Variants in NUP153 observed in about 807,000 individuals in gnomAD.
NUP153 encodes the protein nuclear pore complex protein Nup153.
Under a neutral mutation model 134.6 loss-of-function variants are expected in NUP153, and 27 were observed. The ratio of observed to expected loss-of-function variants is 0.20; its 90% CI spans 0.15 to 0.28. The LOEUF is 0.28. NUP153 is among the 10% of genes least tolerant of loss of function. NUP153 has a pLI of 1.00. For synonymous variants in NUP153, 640 were observed against 623.5 expected (o/e 1.03, Z -0.40); for missense variants, 1,821 against 1,731.3 (o/e 1.05, Z -0.92).
chr6:17,631,207 A>G lies in NUP153; in HGVS notation c.2659+1443T>C, dbSNP rs1765235347. On this transcript the variant is annotated intron_variant, in intron 17 of 21. Transcript: ENST00000262077. ...AGGGAACCTTACACCTACCAGAGGC[A>G]AGTATTATTTTGCAAAACAGATTTC... 2.0e-5 allele frequency among the ~76,000 whole-genome samples: 3 copies of G among 151,944 alleles called. No homozygotes were observed. In the South Asian group the frequency reaches 6.2e-4, roughly 32 times the overall value.
intron 1 of NUP153, among the ~76,000 whole-genome samples, chr6:17,698,136 T>C (rs1025032631): frequency 1.3e-5 from 2 of 152,230 alleles, no homozygotes; most frequent in African/African-American, 2.4e-5. Context: ...TGGAATCTTA[T>C]TCTCCCAGGG....
chr6:17,647,721 C>T, intron 13 of NUP153, 86 bp downstream of exon 13: 4 of 872,546 alleles, frequency 4.6e-6, no homozygotes, highest in South Asian at 3.1e-5. Flanking sequence ...CAGTGTTTCT[C>T]ACCACCAGTG....
At chr6:17,665,450 T>G (rs1767475300) in intron 8 of NUP153, 65 bp from the exon 9 acceptor site, 1 of 1,336,948 alleles carries the variant, frequency 7.5e-7, no homozygotes, top group Non-Finnish European at 1.0e-6. Context: ...TATCTAAATT[T>G]TGACAATAGC....
chr6:17,627,620 C>T (rs774737065), intron 18 of NUP153, among the ~76,000 whole-genome samples: 22 of 152,202 alleles, frequency 1.4e-4, no homozygotes, highest in South Asian at 2.1e-4. Flanking sequence ...TTCAGCCTCC[C>T]GACTAGTTGG....
At chr6:17,663,133 C>T (rs1472102051) in intron 9 of NUP153, among the ~76,000 whole-genome samples, 1 of 151,668 alleles carries the variant, frequency 6.6e-6, no homozygotes, top group Non-Finnish European at 1.5e-5. Flanking sequence ...TTAATAAGAA[C>T]ACAGAGAAAA....
intron 2 of NUP153, among the ~76,000 whole-genome samples, chr6:17,687,176 AAGTT>A (rs1170468777): frequency 6.6e-6 from 1 of 152,202 alleles, no homozygotes; most frequent in Non-Finnish European, 1.5e-5. Context: ...TAAATTCTTG[AAGTT>A]AGTTAATCCT....
rs754727992 is a variant in NUP153 at position 17,629,553 on chromosome 6, A to G, written c.2660-14T>C. 5 of 1,567,294 alleles carry G rather than the reference A, an allele frequency of 3.2e-6. No homozygotes were observed. The highest frequency in any genetic ancestry group is 4.3e-6 in the Non-Finnish European group (5 of 1,164,736). On this transcript the variant is annotated splice_polypyrimidine_tract_variant and intron_variant, in intron 17 of 21. Coordinates refer to ENST00000262077, the MANE Select transcript of NUP153 (RefSeq NM_005124.4). ...ATGTGTCAAAGCCTACAAAAATATA[A>G]AAGACACCACATAGACACTCAATGT...
At chr6:17,623,398 CAT>C (rs1232224848) in intron 20 of NUP153, among the ~76,000 whole-genome samples, 2 of 142,186 alleles carry the variant, frequency 1.4e-5, no homozygotes, top group African/African-American at 5.2e-5. Context: ...AATTTACACA[CAT>C]GAGAAATCAA....
chr6:17,689,124 G>A (rs1769124305), intron 1 of NUP153, among the ~76,000 whole-genome samples: 1 of 151,930 alleles, frequency 6.6e-6, no homozygotes, highest in East Asian at 1.9e-4. Context: ...GGTGGTTCAT[G>A]CCTGTAATCC....
rs559309102 is a variant in NUP153 at position 17,664,303 on chromosome 6, CTTTA to C, written c.1215+932_1215+935del. On this transcript the variant is annotated intron_variant, in intron 9 of 21. Transcript: ENST00000262077. ...ACAGTTGAACAACTCACAGACACCA[CTTTA>C]TTTATAAAGTGTTTTCCAAACATGC... Among the ~76,000 whole-genome samples, 38 of 152,178 alleles carry C rather than the reference CTTTA, an allele frequency of 2.5e-4. 1 individual carries two copies. The South Asian group carries it at 7.9e-3, about 32-fold the overall frequency.
chr6:17,696,815 G>A (rs1769677579), intron 1 of NUP153, among the ~76,000 whole-genome samples: 1 of 152,042 alleles, frequency 6.6e-6, no homozygotes, highest in Non-Finnish European at 1.5e-5. Context: ...GCTTACGTCT[G>A]TAATCCCAGC....
chr6:17,627,654 C>T (rs80084912), intron 18 of NUP153, among the ~76,000 whole-genome samples: 9,253 of 152,112 alleles, frequency 0.061, 386 homozygotes, highest in Non-Finnish European at 0.084. Flanking sequence ...AGCTACGGCA[C>T]CCGGATTGTC....
At position 17,688,440 on chromosome 6, in the gene NUP153, G is replaced by C; in HGVS notation, c.290C>G (p.Thr97Ser). 6.2e-7 allele frequency: 1 copy of C among 1,614,040 alleles called. No homozygotes were observed. Among genetic ancestry groups the C allele is most frequent in the Non-Finnish European group, 8.5e-7 (1 of 1,179,976 alleles). ...VYADEESSNITDGRITPEPAV... is the reference protein window; with the variant it reads ...VYADEESSNISDGRITPEPAV... ...TGGCTCAGGTGTGATTCTCCCATCA[G>C]TAATATTAGAGCTCTCCTCATCGGC... The change falls in exon 2 of 22, where the codon ACT becomes AGT. Residue 97 changes from threonine to serine, a missense_variant. By Grantham distance (58) the Thr-to-Ser change is moderately conservative (BLOSUM62 1). Coordinates refer to ENST00000262077, the MANE Select transcript of NUP153 (RefSeq NM_005124.4).
chr6:17,686,543 G>A (rs1223284697), intron 2 of NUP153, among the ~76,000 whole-genome samples: 4 of 151,748 alleles, frequency 2.6e-5, no homozygotes, highest in African/African-American at 9.7e-5. Flanking sequence ...CTACAGGCAT[G>A]TGCCACCATG....
rs1185605322 is a variant in NUP153, at chr6:17,680,593, G to A, written c.335-4823C>T. Among the ~76,000 whole-genome samples, 13 of 152,122 alleles carry A rather than the reference G, an allele frequency of 8.5e-5. No individual in the cohort carries two copies. The highest frequency in any genetic ancestry group is 1.5e-4 in the Non-Finnish European group (10 of 67,990). On this transcript the variant is annotated intron_variant, in intron 2 of 21. Transcript: ENST00000262077. The surrounding 1 kb of genome is among the most constrained non-coding windows in gnomAD (Gnocchi z 4.5). ...CCATGGAAGCAAAAACAGACAAACA[G>A]GACTACATGAAATGTAAAAACTTTT...
intron 14 of NUP153, 90 bp from the exon 15 acceptor site, chr6:17,640,154 G>A: frequency 2.0e-6 from 2 of 983,364 alleles, no homozygotes; most frequent in Non-Finnish European, 1.4e-6. Context: ...ACCATCTTTT[G>A]GATTAATTTC....
At chr6:17,696,581 C>T (rs1042165989) in intron 1 of NUP153, among the ~76,000 whole-genome samples, 4 of 152,020 alleles carry the variant, frequency 2.6e-5, no homozygotes, top group Non-Finnish European at 5.9e-5. Context: ...CGGTGAAACC[C>T]CGTCTCTATT....
chr6:17,665,052 C>CAAA (rs10527400), intron 9 of NUP153, among the ~76,000 whole-genome samples, 187 bp downstream of exon 9: 1,430 of 69,694 alleles, frequency 0.021, 81 homozygotes, highest in South Asian at 0.048. Flanking sequence ...GACTCCGTCT[C>CAAA]AAAAAAAAAA....
In NUP153 at chr6:17,629,532, G is replaced by C. The variant is rs144128421; in HGVS notation, c.2667C>G (p.Asp889Glu). Residue 889 changes from aspartate (D) to glutamate (E), a missense_variant, in exon 18 of 22, where the codon GAC becomes GAG. Physicochemically the swap from Asp to Glu is conservative, Grantham distance 45. Coordinates refer to ENST00000262077, the MANE Select transcript of NUP153 (RefSeq NM_005124.4). ...CTGAGTTCGAAGATGAGGAAGATGTGTCAAAGCCTACAAAAATATAAAAGA... is the reference window on the plus strand; with the variant it reads ...CTGAGTTCGAAGATGAGGAAGATGTCTCAAAGCCTACAAAAATATAAAAGA... The part of the protein sequence containing the change: ...PGTKSGFKGF[D>E]TSSSSSNSAA... The C allele has an allele frequency of 4.7e-5, 75 of 1,584,718 alleles. No homozygotes were observed. Among genetic ancestry groups the C allele is most frequent in the Non-Finnish European group, 6.2e-5 (73 of 1,171,632 alleles).
Sources: allele counts gnomAD v4.1 joint callset (sites outside exome capture counted in the v4.1 genomes callset), GRCh38; gene constraint gnomAD v4.1.1; non-coding constraint Gnocchi (gnomAD v3.1); transcripts MANE v1.5; gene names NCBI Gene and HGNC (gene_info 2026-07-23, HGNC 2026-07-21).